UBOX5: variants seen among roughly 807,000 people sequenced by gnomAD.
The protein encoded by UBOX5 is U-box domain containing 5.
In UBOX5, 28 loss-of-function variants were observed where a neutral mutation model predicts 39.0. The ratio of observed to expected loss-of-function variants is 0.72; its 90% CI spans 0.53 to 0.98. The LOEUF is 0.98. Among genes scored for constraint, UBOX5 ranks in the 50% least tolerant of loss-of-function variants. UBOX5 has a pLI of 0.00. For missense variants in UBOX5, 585 were observed against 674.4 expected (o/e 0.87, Z 1.47); for synonymous variants, 283 against 275.5 (o/e 1.03, Z -0.27).
chr20:3,153,282 C>A (rs1370227830), intron 1 of UBOX5, among the ~76,000 whole-genome samples: 1 of 152,220 alleles, frequency 6.6e-6, no homozygotes, highest in African/African-American at 2.4e-5. Flanking sequence ...TCATGTGACA[C>A]TTTTTGATTT....
chr20:3,146,294 T>C (rs941859571), intron 1 of UBOX5, among the ~76,000 whole-genome samples: 4 of 142,502 alleles, frequency 2.8e-5, no homozygotes, highest in Non-Finnish European at 4.5e-5. Flanking sequence ...TGAGCTGAGA[T>C]TGTGCCACTG....
intron 1 of UBOX5, among the ~76,000 whole-genome samples, chr20:3,129,501 C>T (rs1267607285): frequency 2.0e-5 from 3 of 152,130 alleles, no homozygotes; most frequent in Admixed American, 6.6e-5. Context: ...GACCCTCAGA[C>T]CAGTGCACCG....
chr20:3,134,925 C>T (rs1361016446), intron 1 of UBOX5, among the ~76,000 whole-genome samples: 1 of 151,568 alleles, frequency 6.6e-6, no homozygotes, highest in African/African-American at 2.4e-5. Flanking sequence ...GCGGATGACA[C>T]AGTAAGGAAA....
chr20:3,122,757 T>C (rs2066348420), intron 2 of UBOX5, among the ~76,000 whole-genome samples, 173 bp from the exon 3 acceptor site: 1 of 152,066 alleles, frequency 6.6e-6, no homozygotes, highest in African/African-American at 2.4e-5. Flanking sequence ...TTGTCCCAGA[T>C]CGGGGCCCCC....
chr20:3,119,522 T>C (rs2066318315), intron 3 of UBOX5, among the ~76,000 whole-genome samples: 1 of 152,206 alleles, frequency 6.6e-6, no homozygotes, highest in South Asian at 2.1e-4. Context: ...ATTTGTTACC[T>C]AGCAATAGAT....
intron 2 of UBOX5, 107 bp downstream of exon 2, chr20:3,123,205 G>T: frequency 8.3e-7 from 1 of 1,204,292 alleles, no homozygotes; most frequent in Non-Finnish European, 1.2e-6. Context: ...AGTAACAAGA[G>T]CAAAAGTGCA....
intron 1 of UBOX5, among the ~76,000 whole-genome samples, chr20:3,123,798 G>A (rs1162250774): frequency 6.6e-6 from 1 of 152,066 alleles, no homozygotes; most frequent in African/African-American, 2.4e-5. Flanking sequence ...TTATAGTGGT[G>A]GTAAGCATCC....
rs548910718 is a variant in UBOX5, at chr20:3,158,545, C to T, written c.-42+1221G>A. On this transcript the variant is annotated intron_variant, in intron 1 of 4. Transcript: ENST00000217173. ...CTGGAGTGCAGTGGCGCGATCTCGG[C>T]TCACTGCACACTCCGCCTCCCGGGG... Among the ~76,000 whole-genome samples, 5 of 152,294 alleles carry T rather than the reference C, an allele frequency of 3.3e-5. No homozygotes were observed. In the South Asian group the frequency reaches 1.0e-3, roughly 32 times the overall value.
intron 1 of UBOX5, chr20:3,147,764 G>C: frequency 5.0e-6 from 8 of 1,614,116 alleles, no homozygotes; most frequent in Non-Finnish European, 6.8e-6. Context: ...AGTTCCAAAT[G>C]ACCACAGAAT....
intron 3 of UBOX5, among the ~76,000 whole-genome samples, chr20:3,120,977 C>G (rs1472769884): frequency 6.6e-6 from 1 of 152,102 alleles, no homozygotes; most frequent in East Asian, 1.9e-4. Context: ...AAGAAGGCAC[C>G]AGAAGAGATT....
chr20:3,134,764 C>G (rs2066456163), intron 1 of UBOX5, among the ~76,000 whole-genome samples: 1 of 142,872 alleles, frequency 7.0e-6, no homozygotes, highest in Non-Finnish European at 1.5e-5. Flanking sequence ...GAGGCTGAGG[C>G]AGGAGAATCA....
At chr20:3,132,892 C>G (rs917858349) in intron 1 of UBOX5, among the ~76,000 whole-genome samples, 8 of 149,610 alleles carry the variant, frequency 5.3e-5, no homozygotes, top group African/African-American at 1.7e-4. Context: ...GAGGCCAAGG[C>G]AGGGGGATTG....
At chr20:3,124,596 G>A (rs1196215670) in intron 1 of UBOX5, among the ~76,000 whole-genome samples, 1 of 151,750 alleles carries the variant, frequency 6.6e-6, no homozygotes, top group East Asian at 1.9e-4. Flanking sequence ...TGTCTGGGAT[G>A]TGAGGAGAGC....
At chr20:3,116,035 G>A (rs1033588815) in intron 3 of UBOX5, among the ~76,000 whole-genome samples, 25 of 152,268 alleles carry the variant, frequency 1.6e-4, no homozygotes, top group African/African-American at 5.8e-4. Flanking sequence ...GATTACAGGC[G>A]TGAGCCACAG....
At chr20:3,147,274 C>T (rs2066574778) in intron 1 of UBOX5, 3 of 1,614,196 alleles carry the variant, frequency 1.9e-6, no homozygotes, top group South Asian at 2.2e-5. Context: ...ATGGTAATGG[C>T]TTCAGGTTAA....
At chr20:3,119,442 G>A (rs1485336728) in intron 3 of UBOX5, among the ~76,000 whole-genome samples, 2 of 152,226 alleles carry the variant, frequency 1.3e-5, no homozygotes, top group Non-Finnish European at 2.9e-5. Flanking sequence ...AAGTTACGCT[G>A]GGATTTGTGA....
At position 3,109,868 on chromosome 20, in the gene UBOX5, A is replaced by AG. The variant is rs906278746; in HGVS notation, c.*237dup. 1.2e-5 allele frequency: 7 copies of AG among 581,176 alleles called. No individual in the cohort carries two copies. Among genetic ancestry groups the AG allele is most frequent in the African/African-American group, 7.5e-5 (4 of 53,398 alleles). The allele number at this position is 581,176 out of a possible 1,614,324, so 36.0% of individuals were successfully genotyped here. On this transcript the variant is annotated 3_prime_UTR_variant, in exon 5 of 5. Coordinates refer to ENST00000217173, the MANE Select transcript of UBOX5 (RefSeq NM_014948.4). ...GCTCCAGTGGGTCCTGGGCTCAGGC[A>AG]GGGGGGGTGGCAGGGAGGCAGGGAC...
rs186138427 is a variant in UBOX5 at position 3,150,327 on chromosome 20, C to A, written c.-42+9439G>T. Among the ~76,000 whole-genome samples the A allele has an allele frequency of 4.1e-3, 628 of 152,252 alleles. 15 individuals are homozygous for A. The highest frequency in any genetic ancestry group is 1.5e-3 in the Non-Finnish European group (100 of 68,034). Reference sequence around the variant, plus strand: ...AAGCAAAGAGTACCCCAAAGCTGGGCTCAGGGTTCAGGGAACGCCAATTGA... The same window carrying A: ...AAGCAAAGAGTACCCCAAAGCTGGGATCAGGGTTCAGGGAACGCCAATTGA... On this transcript the variant is annotated intron_variant, in intron 1 of 4. Transcript: ENST00000217173.
At chr20:3,127,210 T>C (rs1211736513) in intron 1 of UBOX5, among the ~76,000 whole-genome samples, 2 of 152,098 alleles carry the variant, frequency 1.3e-5, no homozygotes, top group Admixed American at 6.5e-5. Flanking sequence ...CAGCCAGCCA[T>C]TTATGCTTTT....
Sources: allele counts gnomAD v4.1 joint callset (sites outside exome capture counted in the v4.1 genomes callset), GRCh38; gene constraint gnomAD v4.1.1; transcripts MANE v1.5; gene names NCBI Gene and HGNC (gene_info 2026-07-23, HGNC 2026-07-21).